VAV1: variants seen among roughly 807,000 people sequenced by gnomAD.
VAV1 encodes the protein proto-oncogene vav.
In VAV1, 33 loss-of-function variants were observed where a neutral mutation model predicts 128.1. The observed-to-expected ratio is 0.26, with a 90% CI of 0.20 to 0.34. The LOEUF (loss-of-function observed/expected upper bound fraction) is 0.34, where lower values mean the gene tolerates loss of function less well. Among genes scored for constraint, VAV1 ranks in the 10% least tolerant of loss-of-function variants. VAV1 has a pLI of 1.00. For synonymous variants in VAV1, 394 were observed against 409.8 expected (o/e 0.96, Z 0.47); for missense variants, 715 against 1,093.7 (o/e 0.65, Z 4.88).
intron 21 of VAV1, among the ~76,000 whole-genome samples, chr19:6,839,550 G>A (rs1972319325): frequency 6.6e-6 from 1 of 152,114 alleles, no homozygotes; most frequent in Admixed American, 6.6e-5. Flanking sequence ...TTACAGGCGT[G>A]AGCCACCACG....
Position 6,822,373 on chromosome 19 carries a change from G to C in VAV1, c.558+44G>C. On this transcript the variant is annotated intron_variant, in intron 5 of 26. Transcript: ENST00000602142. This position sits in a 1 kb window ranked among gnomAD's most constrained non-coding sequence, Gnocchi z 5.9. The stretch of plus-strand genomic sequence containing the variant: ...CGGGCCTGGGGAGGGCGTGGGCGGG[G>C]GGCAGCCCCAGGCCCCCCAACACCG... 1 of 1,554,064 alleles carries C rather than the reference G, an allele frequency of 6.4e-7. No individual in the cohort carries two copies. Among genetic ancestry groups the C allele is most frequent in the South Asian group, 1.2e-5 (1 of 84,432 alleles).
chr19:6,786,396 A>C (rs1970894857), intron 1 of VAV1, among the ~76,000 whole-genome samples: 1 of 152,174 alleles, frequency 6.6e-6, no homozygotes, highest in Non-Finnish European at 1.5e-5. Context: ...CAGGAGTTTG[A>C]GGCTGCAGTG....
In VAV1 at chr19:6,814,667, C is replaced by CCTTCCTTCCTTCCTTTCTTCCTTT. The variant is rs1971586781; in HGVS notation, c.205-6028_205-6027insCCTTCCTTTCTTCCTTTCTTCCTT. ...TCCTTCCTTCCTTCCTTCCTTCCTTCCTTCCTTTCTTTCTTTCTTTCTTTC... is the reference window on the plus strand; with the variant it reads ...TCCTTCCTTCCTTCCTTCCTTCCTTCCTTCCTTCCTTCCTTTCTTCCTTTCTTCCTTTCTTTCTTTCTTTCTTTC... On this transcript the variant is annotated intron_variant, in intron 1 of 26. Transcript: ENST00000602142. Among the ~76,000 whole-genome samples the CCTTCCTTCCTTCCTTTCTTCCTTT allele has an allele frequency of 8.0e-5, 2 of 25,100 alleles. 1 individual carries two copies. Among genetic ancestry groups the CCTTCCTTCCTTCCTTTCTTCCTTT allele is most frequent in the African/African-American group, 4.6e-4 (2 of 4,308 alleles). 16.5% of individuals were successfully genotyped at this position (25,100 alleles called of 152,430 possible).
At chr19:6,774,427 C>CTTTTTTTTTTTTTTTTTT (rs1002823385) in intron 1 of VAV1, among the ~76,000 whole-genome samples, 1 of 91,568 alleles carries the variant, frequency 1.1e-5, no homozygotes, top group African/African-American at 5.6e-5. Flanking sequence ...CGCGCCCAGC[C>CTTTTTTTTTTTTTTTTTT]TTTTTTTTTT....
rs1345976927 is a variant in VAV1, at chr19:6,814,672, CT to C, written c.205-6027del. Among the ~76,000 whole-genome samples the C allele has an allele frequency of 2.7e-3, 192 of 70,774 alleles. 2 individuals carry two copies. Among genetic ancestry groups the C allele is most frequent in the African/African-American group, 0.011 (151 of 13,410 alleles). The allele number at this position is 70,774 out of a possible 152,430, so 46.4% of individuals were successfully genotyped here. A position where few individuals can be genotyped will look rare whatever the true frequency, so the allele number is the denominator to read the frequency against. On this transcript the variant is annotated intron_variant, in intron 1 of 26. Transcript: ENST00000602142. ...CCTTCCTTCCTTCCTTCCTTCCTTC[CT>C]TTCTTTCTTTCTTTCTTTCTTTCTT...
At chr19:6,775,467 G>A (rs904353227) in intron 1 of VAV1, among the ~76,000 whole-genome samples, 1 of 152,148 alleles carries the variant, frequency 6.6e-6, no homozygotes, top group Non-Finnish European at 1.5e-5. Flanking sequence ...AGGGAACAAC[G>A]GGAACCCAGA....
chr19:6,838,892 CTTTA>C (rs147546726), intron 21 of VAV1, among the ~76,000 whole-genome samples: 281 of 150,076 alleles, frequency 1.9e-3, no homozygotes, highest in African/African-American at 6.6e-3. Flanking sequence ...TTATGCTCAG[CTTTA>C]TTTATTTATT....
chr19:6,776,182 AT>A, intron 1 of VAV1, among the ~76,000 whole-genome samples: 1 of 149,310 alleles, frequency 6.7e-6, no homozygotes, highest in East Asian at 2.0e-4. Flanking sequence ...CCATCCATCC[AT>A]CCATCCATCC....
chr19:6,808,843 A>T (rs371195397), intron 1 of VAV1, among the ~76,000 whole-genome samples: 3 of 152,198 alleles, frequency 2.0e-5, no homozygotes, highest in African/African-American at 7.2e-5. Flanking sequence ...GTAGTCTAGG[A>T]GGGCCTCATT....
At position 6,829,801 on chromosome 19, in the gene VAV1, C is replaced by G. The variant is rs754467896; in HGVS notation, c.1281C>G (p.Leu427=). 1.9e-6 allele frequency: 3 copies of G among 1,613,974 alleles called. No homozygotes were observed. Among genetic ancestry groups the G allele is most frequent in the East Asian group, 2.2e-5 (1 of 44,892 alleles). The change falls in exon 14 of 27, where the codon CTC becomes CTG. Residue 427 remains leucine (L), a synonymous_variant. Transcript: ENST00000602142. ...RSKMDRYAFL[L]DKALLICKRR... ...ATCCTTCCAGGTATGCCTTCCTGCT[C>G]GACAAAGCTCTACTCATCTGTAAGC...
At chr19:6,780,152 AATAAT>A in intron 1 of VAV1, among the ~76,000 whole-genome samples, 1 of 128,902 alleles carries the variant, frequency 7.8e-6, no homozygotes, top group East Asian at 2.2e-4. Flanking sequence ...TAATAATAAT[AATAAT>A]AACCTCATCC....
chr19:6,852,191 C>A (rs1351855843), intron 24 of VAV1, among the ~76,000 whole-genome samples: 2 of 151,994 alleles, frequency 1.3e-5, no homozygotes, highest in Non-Finnish European at 2.9e-5. Context: ...TTGTTTAAAT[C>A]TTTTTTAGAG....
intron 1 of VAV1, among the ~76,000 whole-genome samples, chr19:6,796,492 G>A (rs978801164): frequency 6.6e-5 from 10 of 152,054 alleles, no homozygotes; most frequent in African/African-American, 2.4e-4. Context: ...GCTCCAACAT[G>A]CCAGGGCCTC....
rs183856408 is a variant in VAV1, at chr19:6,830,548, T to C, written c.1398+630T>C. Reference sequence around the variant, plus strand: ...TCTGGCTCCCAGGTTCAAGCAATTCTCCTGCCTCAGCCTCCCGAGTAGCTG... The same window carrying C: ...TCTGGCTCCCAGGTTCAAGCAATTCCCCTGCCTCAGCCTCCCGAGTAGCTG... On this transcript the variant is annotated intron_variant, in intron 14 of 26. Transcript: ENST00000602142. 6.4e-3 allele frequency among the ~76,000 whole-genome samples: 966 copies of C among 151,732 alleles called. 12 individuals are homozygous for C. Among genetic ancestry groups the C allele is most frequent in the African/African-American group, 0.022 (924 of 41,404 alleles).
At chr19:6,829,307 A>G (rs760226013) in intron 13 of VAV1, among the ~76,000 whole-genome samples, 2 of 146,816 alleles carry the variant, frequency 1.4e-5, no homozygotes, top group Non-Finnish European at 3.0e-5. Flanking sequence ...GTTTCTAGAT[A>G]GGCAGTTGGG....
At chr19:6,802,519 C>T (rs1177000299) in intron 1 of VAV1, among the ~76,000 whole-genome samples, 1 of 152,066 alleles carries the variant, frequency 6.6e-6, no homozygotes, top group Non-Finnish European at 1.5e-5. Context: ...TGCCCCCTTT[C>T]CCCTCTTTGA....
intron 1 of VAV1, chr19:6,784,154 TG>T: frequency 1.8e-6 from 1 of 547,344 alleles, no homozygotes; most frequent in Non-Finnish European, 3.3e-6. Context: ...CTCAGGAAGT[TG>T]AGGCAGGAGG....
chr19:6,819,526 G>A (rs898909113), intron 1 of VAV1, among the ~76,000 whole-genome samples: 6 of 152,208 alleles, frequency 3.9e-5, no homozygotes, highest in African/African-American at 1.2e-4. Context: ...CCATGTTGTA[G>A]TGTGGAACAG....
Position 6,832,105 on chromosome 19 carries a change from C to G in VAV1, c.1413C>G (p.Phe471Leu), listed in dbSNP as rs754343672. The G allele has an allele frequency of 5.0e-6, 8 of 1,614,098 alleles. No individual in the cohort carries two copies. Among genetic ancestry groups the G allele is most frequent in the Admixed American group, 1.7e-5 (1 of 60,000 alleles). ...CTTCCCTGCAGTGGAGCCACATGTT[C>G]CTCCTGATCGAGGACCAAGGTGCCC... is the stretch of plus-strand genomic sequence containing the variant. ...DRDNKKWSHM[F>L]LLIEDQGAQG... The change falls in exon 15 of 27, where the codon TTC becomes TTG. Residue 471 changes from phenylalanine to leucine, a missense_variant. Phe to Leu is a conservative substitution (Grantham distance 22). This residue lies in a region of VAV1 where 407 missense variants were observed against 580.6 expected (regional missense o/e 0.70). Coordinates refer to ENST00000602142, the MANE Select transcript of VAV1 (RefSeq NM_005428.4).
Sources: allele counts gnomAD v4.1 joint callset (sites outside exome capture counted in the v4.1 genomes callset), GRCh38; gene constraint gnomAD v4.1.1; regional missense constraint gnomAD v4.1.1; non-coding constraint Gnocchi (gnomAD v3.1); transcripts MANE v1.5; gene names NCBI Gene and HGNC (gene_info 2026-07-23, HGNC 2026-07-21).